The following NUP210L variants were observed in gnomAD, a reference collection of about 807,000 sequenced individuals.
The protein encoded by NUP210L is nucleoporin 210 like, also known as nuclear pore membrane glycoprotein 210-like.
Under a neutral mutation model 208.5 loss-of-function variants are expected in NUP210L, and 74 were observed. The ratio of observed to expected loss-of-function variants is 0.35; its 90% CI spans 0.29 to 0.43. NUP210L has a LOEUF of 0.43. Among genes scored for constraint, NUP210L ranks in the 20% least tolerant of loss-of-function variants. NUP210L has a pLI of 1.00. For synonymous variants in NUP210L, 780 were observed against 816.9 expected (o/e 0.95, Z 0.77); for missense variants, 1,843 against 2,289.4 (o/e 0.81, Z 3.98).
In NUP210L at chr1:154,002,745, G is replaced by A. The variant is rs537620487; in HGVS notation, c.4931-760C>T. ...CTCCCAAAGTGCTGGGTTTACAGGC[G>A]TGAGAAACTGCTCCCTGGCTAAGAA... On this transcript the variant is annotated intron_variant, in intron 35 of 39. Coordinates refer to ENST00000368559, the Ensembl canonical transcript of NUP210L. Among the ~76,000 whole-genome samples the A allele has an allele frequency of 6.4e-4, 96 of 151,064 alleles. 2 individuals carry two copies. The South Asian group carries it at 0.017, about 27-fold the overall frequency.
chr1:154,081,011 A>AAT (rs1655295787), intron 16 of NUP210L, among the ~76,000 whole-genome samples: 1 of 151,878 alleles, frequency 6.6e-6, no homozygotes, highest in Non-Finnish European at 1.5e-5. Context: ...AAAGAAAAGA[A>AAT]AAAGAAGGAA....
At chr1:154,031,562 C>T (rs1257777179) in intron 27 of NUP210L, among the ~76,000 whole-genome samples, 1 of 130,658 alleles carries the variant, frequency 7.7e-6, no homozygotes, top group Admixed American at 8.6e-5. Context: ...CAGTAACCAT[C>T]ATTCTACTCT....
At chr1:154,095,593 C>T (rs1656139864) in intron 14 of NUP210L, among the ~76,000 whole-genome samples, 1 of 152,142 alleles carries the variant, frequency 6.6e-6, no homozygotes, top group African/African-American at 2.4e-5. Context: ...TATTTCTCTT[C>T]TTCACTGGGA....
chr1:154,101,643 T>C (rs542496863), intron 13 of NUP210L, among the ~76,000 whole-genome samples: 3 of 152,284 alleles, frequency 2.0e-5, no homozygotes, highest in African/African-American at 7.2e-5. Flanking sequence ...CAAGCATTCA[T>C]AGTTTCAAGG....
intron 23 of NUP210L, among the ~76,000 whole-genome samples, chr1:154,055,759 G>A (rs1653832524): frequency 6.6e-6 from 1 of 152,150 alleles, no homozygotes; most frequent in African/African-American, 2.4e-5. Context: ...ACAAAGATAT[G>A]TAATTTTATG....
intron 2 of NUP210L, among the ~76,000 whole-genome samples, chr1:154,145,021 T>C (rs993884033): frequency 3.3e-5 from 5 of 151,518 alleles, no homozygotes; most frequent in Admixed American, 3.3e-4. Context: ...GGCAAACGAA[T>C]TGCTTGAACC....
intron 34 of NUP210L, among the ~76,000 whole-genome samples, chr1:154,011,010 C>T (rs1473714576): frequency 6.6e-6 from 1 of 152,074 alleles, no homozygotes; most frequent in Non-Finnish European, 1.5e-5. Context: ...ATCCCTAGAA[C>T]TTCATCACAA....
chr1:154,022,417 AC>A, intron 31 of NUP210L, 74 bp from the exon 32 acceptor site: 1 of 1,189,732 alleles, frequency 8.4e-7, no homozygotes, highest in Non-Finnish European at 1.2e-6. Context: ...AGAACACCCT[AC>A]CACATTTTAT....
chr1:154,074,339 G>A (rs939107122), intron 16 of NUP210L, among the ~76,000 whole-genome samples: 1 of 151,818 alleles, frequency 6.6e-6, no homozygotes, highest in Non-Finnish European at 1.5e-5. Flanking sequence ...TATATAAGCT[G>A]GTATTTTCCT....
intron 16 of NUP210L, among the ~76,000 whole-genome samples, chr1:154,085,361 ATAAAT>A (rs1655572670): frequency 6.6e-6 from 1 of 151,594 alleles, no homozygotes; most frequent in Admixed American, 6.6e-5. Flanking sequence ...AAAAAAATAA[ATAAAT>A]AAAATAAAAT....
chr1:154,075,189 T>C (rs2148020324), intron 16 of NUP210L, among the ~76,000 whole-genome samples: 1 of 152,316 alleles, frequency 6.6e-6, no homozygotes, highest in East Asian at 1.9e-4. Context: ...TACATCACTA[T>C]TGGGTTATAG....
intron 21 of NUP210L, 46 bp downstream of exon 21, chr1:154,058,519 A>T (rs757088585): frequency 8.2e-6 from 13 of 1,593,920 alleles, no homozygotes; most frequent in African/African-American, 1.3e-5. Flanking sequence ...CTGGGTAGTG[A>T]GAATAAGTCT....
chr1:154,151,887 G>C (rs975755539), intron 2 of NUP210L, among the ~76,000 whole-genome samples: 1 of 151,728 alleles, frequency 6.6e-6, no homozygotes, highest in African/African-American at 2.4e-5. Context: ...TCGGGAGTTT[G>C]AGACCAGCCT....
chr1:154,013,958 T>G (rs1651107946), intron 33 of NUP210L, among the ~76,000 whole-genome samples: 1 of 152,006 alleles, frequency 6.6e-6, no homozygotes, highest in Non-Finnish European at 1.5e-5. Context: ...AGAGATGGGA[T>G]TTCACCATGT....
exon 27 of NUP210L, chr1:154,046,145 T>A: frequency 6.2e-7 from 1 of 1,614,166 alleles, no homozygotes; most frequent in Non-Finnish European, 8.5e-7. Flanking sequence ...AGGATTAGCA[T>A]TGCTGAAGGA....
chr1:154,046,174 G>C (rs888400490), exon 27 of NUP210L: 7 of 1,614,060 alleles, frequency 4.3e-6, no homozygotes, highest in Non-Finnish European at 5.9e-6. Flanking sequence ...TCTGGGTACT[G>C]GTTACTCCCA....
At chr1:154,018,937 C>A in exon 33 of NUP210L, 1 of 1,614,002 alleles carries the variant, frequency 6.2e-7, no homozygotes. Flanking sequence ...GTTTACCTCT[C>A]GATATGTTTT....
At chr1:154,000,998 G>C (rs1274491284) in exon 37 of NUP210L, 1 of 1,614,210 alleles carries the variant, frequency 6.2e-7, no homozygotes, top group Admixed American at 1.7e-5. Flanking sequence ...AAATGGCCAG[G>C]CCAGGAGTGA....
intron 10 of NUP210L, among the ~76,000 whole-genome samples, chr1:154,124,722 C>T (rs1026260758): frequency 6.6e-6 from 1 of 152,088 alleles, no homozygotes; most frequent in Non-Finnish European, 1.5e-5. Context: ...GACGCCAAGG[C>T]AGGAGGAACA....
Sources: gnomAD v4.1 joint callset for allele counts (sites outside exome capture counted in the v4.1 genomes callset) on GRCh38, gnomAD v4.1.1 for gene constraint, MANE v1.5 for transcripts, NCBI Gene and HGNC (gene_info 2026-07-23, HGNC 2026-07-21) for gene names.